Variants in IQCJ observed in about 807,000 individuals in gnomAD.
The protein encoded by IQCJ is IQ motif containing J, also known as IQ domain-containing protein J.
A neutral mutation model predicts 11.0 loss-of-function variants in IQCJ; 9 were observed. The ratio of observed to expected loss-of-function variants is 0.82; its 90% confidence interval spans 0.49 to 1.43. The LOEUF is 1.43. Among genes scored for constraint, IQCJ ranks in the 40% most tolerant of loss-of-function variants. The probability of loss-of-function intolerance (pLI) is 0.00; values close to 1 mark genes in which losing one functional copy is unlikely to be tolerated. For synonymous variants in IQCJ, 55 were observed against 51.3 expected (o/e 1.07, Z -0.31); for missense variants, 146 against 133.2 (o/e 1.10, Z -0.47).
chr3:159,220,965 A>T (rs544243269), intron 1 of IQCJ, among the ~76,000 whole-genome samples: 1 of 152,290 alleles, frequency 6.6e-6, no homozygotes, highest in Non-Finnish European at 1.5e-5. Flanking sequence ...ATTTGAGCTC[A>T]GAGCAGAAAC....
chr3:159,150,770 G>C (rs1260488530), intron 1 of IQCJ, among the ~76,000 whole-genome samples: 1 of 152,120 alleles, frequency 6.6e-6, no homozygotes, highest in Non-Finnish European at 1.5e-5. Context: ...GCCTCTGTTA[G>C]ACTGCCCCAT....
rs1576991156 is a variant in IQCJ, at chr3:159,082,680, G to A, written c.9+13239G>A. ...GCTGTGGTTGGGTTGTCTAAATGGT[G>A]TATGCCCAGCTAAAGGGCTAGAGGT... is the stretch of plus-strand genomic sequence containing the variant. On this transcript the variant is annotated intron_variant, in intron 1 of 3. Coordinates refer to ENST00000397832, the MANE Select transcript of IQCJ (RefSeq NM_001042706.3). Among the ~76,000 whole-genome samples the A allele has an allele frequency of 2.6e-5, 4 of 152,176 alleles. No homozygotes were observed. In the East Asian group the frequency reaches 5.8e-4, roughly 22 times the overall value.
intron 1 of IQCJ, among the ~76,000 whole-genome samples, chr3:159,072,866 C>G (rs1283583466): frequency 6.6e-6 from 1 of 152,044 alleles, no homozygotes; most frequent in Non-Finnish European, 1.5e-5. Context: ...AGCCTTCTAG[C>G]CACTATACAA....
At chr3:159,173,026 T>C (rs1452337712) in intron 1 of IQCJ, among the ~76,000 whole-genome samples, 1 of 152,156 alleles carries the variant, frequency 6.6e-6, no homozygotes, top group South Asian at 2.1e-4. Context: ...TTTCAGGAGA[T>C]TGCTCACTGT....
At chr3:159,252,972 A>G (rs917961782) in intron 3 of IQCJ, among the ~76,000 whole-genome samples, 165 bp downstream of exon 3, 1 of 152,216 alleles carries the variant, frequency 6.6e-6, no homozygotes. Flanking sequence ...CTTTGGGTAC[A>G]CAGCACCATC....
intron 1 of IQCJ, among the ~76,000 whole-genome samples, chr3:159,101,319 C>T (rs1337985453): frequency 1.3e-5 from 2 of 151,834 alleles, no homozygotes; most frequent in Admixed American, 1.3e-4. Context: ...ATGCAGAAAT[C>T]ACCGTCTTCT....
intron 1 of IQCJ, among the ~76,000 whole-genome samples, chr3:159,129,984 A>T (rs1467735199): frequency 6.6e-6 from 1 of 152,110 alleles, no homozygotes; most frequent in Admixed American, 6.5e-5. Flanking sequence ...CAATTTTATC[A>T]CAAGTGTAGA....
intron 1 of IQCJ, among the ~76,000 whole-genome samples, chr3:159,115,990 A>T (rs1007130796): frequency 6.6e-6 from 1 of 152,180 alleles, no homozygotes; most frequent in African/African-American, 2.4e-5. Context: ...TGATGGGTGC[A>T]GCAAACCACC....
In IQCJ at chr3:159,262,826, C is replaced by A; in HGVS notation, c.*95C>A. 1 of 1,466,532 alleles carries A rather than the reference C, an allele frequency of 6.8e-7. No individual in the cohort carries two copies. The highest frequency in any genetic ancestry group is 9.1e-7 in the Non-Finnish European group (1 of 1,103,758). The allele number at this position is 1,466,532 out of a possible 1,614,324, so 90.8% of individuals were successfully genotyped here. A position where few individuals can be genotyped will look rare whatever the true frequency, so the allele number is the denominator to read the frequency against. ...ATGTAGCTTATTTGCTACCCAGGAACCCATGGTGAGAGTTTTGTCACCTCA... is the reference window on the plus strand; with the variant it reads ...ATGTAGCTTATTTGCTACCCAGGAAACCATGGTGAGAGTTTTGTCACCTCA... On this transcript the variant is annotated 3_prime_UTR_variant, in exon 4 of 4. Coordinates refer to ENST00000397832, the MANE Select transcript of IQCJ (RefSeq NM_001042706.3).
intron 1 of IQCJ, among the ~76,000 whole-genome samples, chr3:159,117,447 T>A (rs1379166995): frequency 6.6e-6 from 1 of 152,214 alleles, no homozygotes; most frequent in Non-Finnish European, 1.5e-5. Context: ...TTGGCCTTAT[T>A]TCCCGTTTAG....
chr3:159,227,027 G>A (rs1244103158), intron 1 of IQCJ, among the ~76,000 whole-genome samples: 1 of 152,202 alleles, frequency 6.6e-6, no homozygotes, highest in African/African-American at 2.4e-5. Flanking sequence ...GCTAATACCA[G>A]ACAGCTGCTG....
At chr3:159,172,100 A>C (rs556120013) in intron 1 of IQCJ, among the ~76,000 whole-genome samples, 2 of 152,192 alleles carry the variant, frequency 1.3e-5, no homozygotes, top group Admixed American at 6.5e-5. Flanking sequence ...GCTTTGGGGA[A>C]TCTATCTGAA....
At chr3:159,254,957 G>A (rs1046059476) in intron 3 of IQCJ, among the ~76,000 whole-genome samples, 3 of 152,178 alleles carry the variant, frequency 2.0e-5, no homozygotes, top group Non-Finnish European at 2.9e-5. Flanking sequence ...CTTGCTCTGC[G>A]GGGGCTTTGC....
intron 1 of IQCJ, among the ~76,000 whole-genome samples, chr3:159,075,334 T>C (rs530660152): frequency 2.2e-4 from 34 of 152,066 alleles, no homozygotes; most frequent in Non-Finnish European, 4.3e-4. Context: ...ATCCATGGTG[T>C]ACAAAAAAAA....
At chr3:159,086,338 A>G (rs1037319570) in intron 1 of IQCJ, among the ~76,000 whole-genome samples, 8 of 152,182 alleles carry the variant, frequency 5.3e-5, no homozygotes, top group African/African-American at 1.9e-4. Flanking sequence ...TATAGTTTGA[A>G]GTCAGGTAGT....
chr3:159,185,269 G>A (rs1012684089), intron 1 of IQCJ, among the ~76,000 whole-genome samples: 1 of 152,120 alleles, frequency 6.6e-6, no homozygotes, highest in Non-Finnish European at 1.5e-5. Context: ...TTCCTTGCCT[G>A]CCCCTTCCAT....
chr3:159,135,700 G>A (rs76085325), intron 1 of IQCJ, among the ~76,000 whole-genome samples: 4,554 of 152,182 alleles, frequency 0.03, 299 homozygotes, highest in East Asian at 0.24. Flanking sequence ...GAGTAATACC[G>A]ATCACTTCTT....
intron 1 of IQCJ, among the ~76,000 whole-genome samples, chr3:159,107,864 G>A (rs2108113120): frequency 6.6e-6 from 1 of 152,130 alleles, no homozygotes; most frequent in African/African-American, 2.4e-5. Context: ...GGATGTCCTG[G>A]ACAAGTTGAG....
chr3:159,076,667 T>C (rs1715939323), intron 1 of IQCJ, among the ~76,000 whole-genome samples: 2 of 152,114 alleles, frequency 1.3e-5, no homozygotes, highest in Non-Finnish European at 1.5e-5. Flanking sequence ...TACTTCTTAG[T>C]ATTGCTGTGA....
Sources: gnomAD v4.1 joint callset for allele counts (sites outside exome capture counted in the v4.1 genomes callset) on GRCh38, gnomAD v4.1.1 for gene constraint, MANE v1.5 for transcripts, NCBI Gene and HGNC (gene_info 2026-07-23, HGNC 2026-07-21) for gene names.